Variants in BEND5 observed in about 807,000 individuals in gnomAD.
BEND5 encodes BEN domain-containing protein 5.
BEND5 carries 22 observed loss-of-function variants against 43.9 expected under a neutral mutation model. The observed-to-expected ratio is 0.50, with a 90% CI of 0.36 to 0.72. The LOEUF is 0.72. Among genes scored for constraint, BEND5 ranks in the 30% least tolerant of loss-of-function variants. The pLI is 0.00. For missense variants in BEND5, 428 were observed against 550.6 expected (o/e 0.78, Z 2.23); for synonymous variants, 228 against 225.9 (o/e 1.01, Z -0.08).
chr1:48,737,185 G>A (rs1649200724), intron 4 of BEND5, among the ~76,000 whole-genome samples: 1 of 152,328 alleles, frequency 6.6e-6, no homozygotes, highest in South Asian at 2.1e-4. Flanking sequence ...TTGGGAGGCT[G>A]AGGCAAGAGA....
intron 3 of BEND5, among the ~76,000 whole-genome samples, chr1:48,746,906 AG>A (rs1650857014): frequency 6.6e-6 from 1 of 152,240 alleles, no homozygotes; most frequent in South Asian, 2.1e-4. Context: ...TTAGCATTAC[AG>A]GATCAGAAAG....
chr1:48,748,613 C>T (rs1385092033), intron 3 of BEND5, among the ~76,000 whole-genome samples: 1 of 151,986 alleles, frequency 6.6e-6, no homozygotes, highest in Non-Finnish European at 1.5e-5. Context: ...GGTGTGTGAC[C>T]CTAGGGTGGG....
chr1:48,752,019 A>G (rs1340965379), intron 3 of BEND5, among the ~76,000 whole-genome samples: 2 of 152,224 alleles, frequency 1.3e-5, no homozygotes, highest in Admixed American at 1.3e-4. Flanking sequence ...TCCACTTCTT[A>G]TTACTAGGTC....
At chr1:48,738,556 C>T (rs1265265320) in intron 4 of BEND5, among the ~76,000 whole-genome samples, 1 of 152,236 alleles carries the variant, frequency 6.6e-6, no homozygotes, top group Non-Finnish European at 1.5e-5. Flanking sequence ...GCATCACTTC[C>T]CTTGATGACA....
intron 3 of BEND5, among the ~76,000 whole-genome samples, chr1:48,747,223 C>T (rs1650911585): frequency 6.6e-6 from 1 of 152,084 alleles, no homozygotes; most frequent in South Asian, 2.1e-4. Context: ...ACTTTTTTCA[C>T]TTTGTGGGAA....
chr1:48,758,668 T>C (rs1644077933), intron 3 of BEND5, among the ~76,000 whole-genome samples: 1 of 152,232 alleles, frequency 6.6e-6, no homozygotes, highest in African/African-American at 2.4e-5. Flanking sequence ...TCTTAGTCTC[T>C]GACCCATGTT....
chr1:48,761,314 A>G, intron 2 of BEND5, 23 bp downstream of exon 2: 1 of 1,540,230 alleles, frequency 6.5e-7, no homozygotes, highest in East Asian at 2.5e-5. Context: ...GCATACCTCC[A>G]AAGAAAGGAA....
chr1:48,733,656 T>C (rs541850676), intron 5 of BEND5, among the ~76,000 whole-genome samples: 18 of 152,322 alleles, frequency 1.2e-4, no homozygotes, highest in African/African-American at 3.6e-4. Flanking sequence ...TTCTTCTACA[T>C]TGCTGCACTG....
At chr1:48,739,410 G>T (rs555056124) in intron 4 of BEND5, among the ~76,000 whole-genome samples, 6 of 152,108 alleles carry the variant, frequency 3.9e-5, no homozygotes, top group Admixed American at 1.3e-4. Flanking sequence ...GGCTTTGAAG[G>T]CCCATTAGAA....
intron 2 of BEND5, among the ~76,000 whole-genome samples, chr1:48,760,315 T>G (rs965727373): frequency 1.3e-5 from 2 of 152,194 alleles, no homozygotes; most frequent in African/African-American, 4.8e-5. Flanking sequence ...CTCTCCTGAC[T>G]GGGGCATGTG....
intron 1 of BEND5, among the ~76,000 whole-genome samples, chr1:48,762,401 G>T (rs1371223555): frequency 6.6e-6 from 1 of 152,150 alleles, no homozygotes; most frequent in Non-Finnish European, 1.5e-5. Flanking sequence ...AAACAAGAGG[G>T]CTCCAGAGGC....
chr1:48,732,692 A>G (rs1017511352), intron 5 of BEND5, among the ~76,000 whole-genome samples: 1 of 152,142 alleles, frequency 6.6e-6, no homozygotes, highest in Admixed American at 6.5e-5. Flanking sequence ...GAAGTGTGGT[A>G]TAAGATGAGG....
At position 48,775,270 on chromosome 1, in the gene BEND5, G is replaced by T. The variant is rs576149105; in HGVS notation, c.226+1336C>A. The stretch of plus-strand genomic sequence containing the variant: ...AAAAGGGTCCAAGTGCTGCTGGTCA[G>T]TTTCCAGTTCTTCCACTCTTCAACT... On this transcript the variant is annotated intron_variant, in intron 1 of 5. Transcript: ENST00000371833. Among the ~76,000 whole-genome samples the T allele has an allele frequency of 3.3e-5, 5 of 152,236 alleles. No homozygotes were observed. The East Asian group carries it at 5.8e-4, about 18-fold the overall frequency.
At chr1:48,735,369 C>T (rs1371050954) in intron 5 of BEND5, among the ~76,000 whole-genome samples, 1 of 149,582 alleles carries the variant, frequency 6.7e-6, no homozygotes, top group Non-Finnish European at 1.5e-5. Context: ...GAGGGCCTGG[C>T]AAAGAATGGA....
At chr1:48,773,292 C>A (rs1192448609) in intron 1 of BEND5, among the ~76,000 whole-genome samples, 4 of 152,100 alleles carry the variant, frequency 2.6e-5, no homozygotes, top group Non-Finnish European at 5.9e-5. Flanking sequence ...CAGTAGCAGG[C>A]TGGATTGCAG....
intron 3 of BEND5, among the ~76,000 whole-genome samples, chr1:48,758,414 T>C (rs1644061668): frequency 6.6e-6 from 1 of 152,260 alleles, no homozygotes. Context: ...AGTTTCTTAC[T>C]GAAGTCTCTC....
chr1:48,768,038 A>G lies in BEND5; in HGVS notation c.227-6568T>C, dbSNP rs575923978. ...CAAAGAAGTGAAGTGGCTTTCATAAAGACATAAATAGCAGAGCCAACATTT... is the reference window on the plus strand; with the variant it reads ...CAAAGAAGTGAAGTGGCTTTCATAAGGACATAAATAGCAGAGCCAACATTT... On this transcript the variant is annotated intron_variant, in intron 1 of 5. Coordinates refer to ENST00000371833, the MANE Select transcript of BEND5 (RefSeq NM_024603.4). 5.9e-5 allele frequency among the ~76,000 whole-genome samples: 9 copies of G among 152,336 alleles called. No individual in the cohort carries two copies. In the East Asian group the frequency reaches 1.7e-3, roughly 29 times the overall value.
chr1:48,750,879 C>T (rs1322341203), intron 3 of BEND5, among the ~76,000 whole-genome samples: 1 of 152,052 alleles, frequency 6.6e-6, no homozygotes, highest in Non-Finnish European at 1.5e-5. Flanking sequence ...GACTAAGGTC[C>T]TAGGACTCTA....
At chr1:48,773,705 G>GCCGATGTTCCCATCAA (rs1644944374) in intron 1 of BEND5, among the ~76,000 whole-genome samples, 1 of 152,148 alleles carries the variant, frequency 6.6e-6, no homozygotes, top group Non-Finnish European at 1.5e-5. Context: ...CTGCCAAGTG[G>GCCGATGTTCCCATCAA]GGGCCTGGCA....
Sources: gnomAD v4.1 joint callset for allele counts (sites outside exome capture counted in the v4.1 genomes callset) on GRCh38, gnomAD v4.1.1 for gene constraint, MANE v1.5 for transcripts, NCBI Gene and HGNC (gene_info 2026-07-23, HGNC 2026-07-21) for gene names.